Variants in CADPS observed in about 807,000 individuals in gnomAD.
The protein encoded by CADPS is calcium dependent secretion activator.
Under a neutral mutation model 167.3 loss-of-function variants are expected in CADPS, and 57 were observed. The ratio of observed to expected loss-of-function variants is 0.34; its 90% CI spans 0.28 to 0.42. CADPS has a LOEUF of 0.42. Ranked by LOEUF, CADPS falls within the 20% of genes least tolerant of loss-of-function variation. The pLI is 1.00. For missense variants in CADPS, 1,414 were observed against 1,738.1 expected (o/e 0.81, Z 3.32); for synonymous variants, 676 against 635.3 (o/e 1.06, Z -0.96).
chr3:62,783,444 C>T (rs1423183118), intron 1 of CADPS, among the ~76,000 whole-genome samples: 1 of 152,140 alleles, frequency 6.6e-6, no homozygotes, highest in Non-Finnish European at 1.5e-5. Context: ...TACCTCTACA[C>T]TGAACTAATT....
intron 16 of CADPS, among the ~76,000 whole-genome samples, chr3:62,515,111 G>T (rs1006153265): frequency 1.3e-5 from 2 of 152,100 alleles, no homozygotes; most frequent in Non-Finnish European, 1.5e-5. Context: ...GGCAGAGTAA[G>T]TGATGGGGTC....
chr3:62,726,337 C>T (rs745999883), intron 3 of CADPS, among the ~76,000 whole-genome samples: 1 of 151,886 alleles, frequency 6.6e-6, no homozygotes, highest in East Asian at 1.9e-4. Context: ...CATTTCTCCT[C>T]ATAGCATAAG....
At chr3:62,779,613 T>C (rs545386630) in intron 1 of CADPS, 48 of 534,444 alleles carry the variant, frequency 9.0e-5, no homozygotes, top group Non-Finnish European at 1.8e-4. Context: ...GAGGATGAAA[T>C]CAGTGAGCTG....
intron 1 of CADPS, among the ~76,000 whole-genome samples, chr3:62,802,637 G>T (rs1182548971): frequency 1.3e-5 from 2 of 152,172 alleles, no homozygotes; most frequent in East Asian, 3.9e-4. Flanking sequence ...AAAGTGAAAA[G>T]AGCTCAAAAT....
chr3:62,435,135 A>G (rs2149697298), intron 28 of CADPS, among the ~76,000 whole-genome samples: 1 of 152,342 alleles, frequency 6.6e-6, no homozygotes, highest in Admixed American at 6.5e-5. Context: ...GAAAAATCTC[A>G]CAGAGCAACA....
intron 27 of CADPS, among the ~76,000 whole-genome samples, chr3:62,442,890 A>C (rs2056589787): frequency 6.6e-6 from 1 of 152,234 alleles, no homozygotes; most frequent in African/African-American, 2.4e-5. Context: ...GATTACTATT[A>C]TCTACCATAT....
At chr3:62,474,367 G>A in intron 23 of CADPS, 47 bp from the exon 24 acceptor site, 2 of 1,574,490 alleles carry the variant, frequency 1.3e-6, no homozygotes, top group South Asian at 2.2e-5. Flanking sequence ...TCAGATGGCA[G>A]CAGGTGGAGG....
rs536687530 is a variant in CADPS at position 62,801,754 on chromosome 3, T to TA, written c.442-35771dup. 3.9e-3 allele frequency among the ~76,000 whole-genome samples: 583 copies of TA among 151,276 alleles called. 2 individuals carry two copies. Among genetic ancestry groups the TA allele is most frequent in the Non-Finnish European group, 4.4e-3 (295 of 67,726 alleles). On this transcript the variant is annotated intron_variant, in intron 1 of 29. Coordinates refer to ENST00000383710, the MANE Select transcript of CADPS (RefSeq NM_003716.4). ...GGTGTCATTACCCCGTTTTACGGAT[T>TA]AAAAAAAAAGGCCCAGCTGAGTGAA...
chr3:62,873,903 G>A (rs2083129319), intron 1 of CADPS, among the ~76,000 whole-genome samples: 1 of 152,146 alleles, frequency 6.6e-6, no homozygotes. Flanking sequence ...GGAAGGGTCA[G>A]GGGGACTGGT....
chr3:62,570,125 A>G (rs955072885), intron 9 of CADPS, among the ~76,000 whole-genome samples: 2 of 152,212 alleles, frequency 1.3e-5, no homozygotes, highest in African/African-American at 4.8e-5. Flanking sequence ...AAAAGGGAAA[A>G]GTTTACAGAT....
At chr3:62,596,732 C>T (rs1470613930) in intron 6 of CADPS, among the ~76,000 whole-genome samples, 2 of 152,172 alleles carry the variant, frequency 1.3e-5, no homozygotes, top group Non-Finnish European at 2.9e-5. Context: ...TTTGTGGCTT[C>T]TACCCAACAC....
chr3:62,709,197 C>T (rs2082903305), intron 3 of CADPS, among the ~76,000 whole-genome samples: 1 of 152,056 alleles, frequency 6.6e-6, no homozygotes, highest in Non-Finnish European at 1.5e-5. Context: ...TTCTCTTCCC[C>T]TAACACTAAC....
At chr3:62,643,236 A>C (rs2067811634) in intron 6 of CADPS, among the ~76,000 whole-genome samples, 1 of 152,172 alleles carries the variant, frequency 6.6e-6, no homozygotes, top group African/African-American at 2.4e-5. Flanking sequence ...TTCCTCTTCC[A>C]CGGCAGATGT....
intron 28 of CADPS, among the ~76,000 whole-genome samples, chr3:62,425,687 G>A (rs2052507407): frequency 6.6e-6 from 1 of 152,178 alleles, no homozygotes; most frequent in African/African-American, 2.4e-5. Flanking sequence ...GCCTAGATTG[G>A]AGTCATCATA....
chr3:62,752,882 C>T (rs558003012), intron 3 of CADPS, among the ~76,000 whole-genome samples: 1 of 152,370 alleles, frequency 6.6e-6, no homozygotes, highest in South Asian at 2.1e-4. Flanking sequence ...TTCCCTAATC[C>T]TCCATCTAGA....
intron 8 of CADPS, among the ~76,000 whole-genome samples, chr3:62,577,020 G>C (rs972200331): frequency 2.0e-5 from 3 of 151,858 alleles, no homozygotes; most frequent in Admixed American, 2.0e-4. Flanking sequence ...AGTTATATGA[G>C]AGACCAGAGT....
chr3:62,444,262 T>A (rs532764570), intron 27 of CADPS, among the ~76,000 whole-genome samples: 1 of 152,324 alleles, frequency 6.6e-6, no homozygotes, highest in African/African-American at 2.4e-5. Flanking sequence ...CGCTGATGTC[T>A]GCAAATTCAT....
chr3:62,710,454 T>G (rs2083183964), intron 3 of CADPS, among the ~76,000 whole-genome samples: 1 of 152,184 alleles, frequency 6.6e-6, no homozygotes, highest in East Asian at 1.9e-4. Context: ...CTCTCCATGC[T>G]TCACGTTCCT....
intron 1 of CADPS, among the ~76,000 whole-genome samples, chr3:62,870,193 G>C (rs1413217312): frequency 5.9e-5 from 9 of 152,126 alleles, no homozygotes; most frequent in Non-Finnish European, 1.3e-4. Context: ...CCCTGATGAA[G>C]AGAAACAATT....
Sources: allele counts gnomAD v4.1 joint callset (sites outside exome capture counted in the v4.1 genomes callset), GRCh38; gene constraint gnomAD v4.1.1; transcripts MANE v1.5; gene names NCBI Gene and HGNC (gene_info 2026-07-23, HGNC 2026-07-21).